The following DYM variants were observed in gnomAD, a reference collection of about 807,000 sequenced individuals.
The protein encoded by DYM is dymeclin, also known as dyggve-Melchior-Clausen syndrome protein.
A neutral mutation model predicts 93.1 loss-of-function variants in DYM; 78 were observed. The ratio of observed to expected loss-of-function variants is 0.84; its 90% CI spans 0.70 to 1.01. The LOEUF is 1.01. Ranked by LOEUF, DYM falls within the 50% of genes least tolerant of loss-of-function variation. DYM has a pLI of 0.00. For missense variants in DYM, 789 were observed against 845.0 expected, an observed-to-expected ratio of 0.93 and a Z score of 0.82; for synonymous variants, 321 against 319.7, an observed-to-expected ratio of 1.00 and a Z score of -0.04.
chr18:49,457,688 C>T (rs2083114060), intron 1 of DYM, among the ~76,000 whole-genome samples: 1 of 152,170 alleles, frequency 6.6e-6, no homozygotes, highest in Non-Finnish European at 1.5e-5. Context: ...CCAAAGATGT[C>T]CACATACTAA....
At position 49,272,294 on chromosome 18, in the gene DYM, T is replaced by C. The variant is rs766543337; in HGVS notation, c.1135A>G (p.Ile379Val). Reference sequence around the variant, plus strand: ...TCAACATGATACAGAATCTCAAGAATTGGTAAAACCTAGAGAATAAAAATT... The same window carrying C: ...TCAACATGATACAGAATCTCAAGAACTGGTAAAACCTAGAGAATAAAAATT... ...RTDMENLVLP[I>V]LEILYHVEER... Residue 379 changes from isoleucine (I) to valine (V), a missense_variant, in exon 11 of 18, where the codon ATT becomes GTT. Ile to Val is a conservative substitution (Grantham distance 29, BLOSUM62 3). This residue lies in a region of DYM where 450 missense variants were observed against 436.2 expected (regional missense o/e 1.03). Transcript: ENST00000675505. 2.1e-5 allele frequency: 32 copies of C among 1,542,240 alleles called. No homozygotes were observed. The highest frequency in any genetic ancestry group is 2.7e-5 in the Non-Finnish European group (30 of 1,115,572).
At chr18:49,339,973 C>T (rs1241929510) in intron 6 of DYM, among the ~76,000 whole-genome samples, 1 of 151,896 alleles carries the variant, frequency 6.6e-6, no homozygotes. Flanking sequence ...GTTTTTGAGA[C>T]AGAGTCTCGC....
chr18:49,260,774 T>C lies in DYM; in HGVS notation c.1252-2281A>G, dbSNP rs184689278. The stretch of plus-strand genomic sequence containing the variant: ...TTTTTGAGGGAAGGCATTATGATTC[T>C]AGAATTCTGCATCTTGAGAAACTAC... On this transcript the variant is annotated intron_variant, in intron 11 of 17. Transcript: ENST00000675505. Among the ~76,000 whole-genome samples the C allele has an allele frequency of 3.4e-3, 518 of 152,022 alleles. 3 individuals are homozygous for C. The highest frequency in any genetic ancestry group is 0.011 in the African/African-American group (457 of 41,448).
chr18:49,045,591 A>T (rs1266159719), intron 17 of DYM, among the ~76,000 whole-genome samples: 1 of 152,236 alleles, frequency 6.6e-6, no homozygotes, highest in East Asian at 1.9e-4. Flanking sequence ...AGCCAAACCC[A>T]GCTCCTGTTC....
At chr18:49,207,261 C>T (rs144807105) in intron 14 of DYM, among the ~76,000 whole-genome samples, 1 of 152,238 alleles carries the variant, frequency 6.6e-6, no homozygotes, top group Non-Finnish European at 1.5e-5. Flanking sequence ...GCATGATATG[C>T]TATACGATGT....
chr18:49,457,882 G>A (rs893743549), intron 1 of DYM, among the ~76,000 whole-genome samples: 6 of 152,190 alleles, frequency 3.9e-5, no homozygotes, highest in African/African-American at 1.4e-4. Context: ...TATGATCAGA[G>A]AGATGCAACA....
chr18:49,428,271 C>G (rs1339624136), intron 2 of DYM, among the ~76,000 whole-genome samples: 2 of 150,970 alleles, frequency 1.3e-5, no homozygotes, highest in Non-Finnish European at 3.0e-5. Context: ...GGTAACAGAG[C>G]AAGACCCCAT....
At chr18:49,228,364 A>G (rs1212386950) in intron 13 of DYM, among the ~76,000 whole-genome samples, 5 of 152,150 alleles carry the variant, frequency 3.3e-5, no homozygotes, top group Non-Finnish European at 7.4e-5. Context: ...AAAGGCCTAT[A>G]AATCACTGGC....
intron 2 of DYM, among the ~76,000 whole-genome samples, chr18:49,398,105 A>G (rs953660935): frequency 2.0e-5 from 3 of 152,194 alleles, no homozygotes; most frequent in Non-Finnish European, 2.9e-5. Flanking sequence ...ATTTTAAAAG[A>G]TATCGTCTTT....
chr18:49,388,825 C>T (rs12457671), intron 3 of DYM, among the ~76,000 whole-genome samples: 13,761 of 148,194 alleles, frequency 0.093, 852 homozygotes, highest in East Asian at 0.31. Context: ...CTTTAAAGTA[C>T]GGAAAATAAA....
At chr18:49,260,198 G>A (rs560781850) in intron 11 of DYM, among the ~76,000 whole-genome samples, 22 of 152,290 alleles carry the variant, frequency 1.4e-4, no homozygotes, top group African/African-American at 5.1e-4. Flanking sequence ...AGACCAGCCT[G>A]GCCCAATGAT....
intron 8 of DYM, among the ~76,000 whole-genome samples, chr18:49,322,103 CTTCAAG>C: frequency 6.6e-6 from 1 of 152,080 alleles, no homozygotes; most frequent in Non-Finnish European, 1.5e-5. Context: ...GAGTTTTAAT[CTTCAAG>C]TTCTACTGTA....
Position 49,037,373 on chromosome 18 carries a change from A to ATG in DYM, c.*6680_*6681dup, listed in dbSNP as rs2070744220. Among the ~76,000 whole-genome samples the ATG allele has an allele frequency of 6.6e-6, 1 of 152,018 alleles. No homozygotes were observed. Among genetic ancestry groups the ATG allele is most frequent in the African/African-American group, 2.4e-5 (1 of 41,392 alleles). On this transcript the variant is annotated 3_prime_UTR_variant, in exon 18 of 18. Transcript: ENST00000675505. ...TTCTAACATAAACATTTAAATATAT[A>ATG]TGTGTGTGTATATATATATATGAAC...
At chr18:49,341,008 T>C (rs2064075939) in intron 6 of DYM, among the ~76,000 whole-genome samples, 1 of 152,256 alleles carries the variant, frequency 6.6e-6, no homozygotes, top group Admixed American at 6.5e-5. Flanking sequence ...ACAGATTCTG[T>C]ATTTGTAAAA....
intron 15 of DYM, among the ~76,000 whole-genome samples, chr18:49,124,605 T>C (rs930832823): frequency 1.3e-5 from 2 of 152,168 alleles, no homozygotes; most frequent in African/African-American, 2.4e-5. Context: ...AGAGTTACAC[T>C]AACCCTCTTA....
intron 17 of DYM, among the ~76,000 whole-genome samples, chr18:49,046,277 C>A (rs1354278435): frequency 7.8e-6 from 1 of 128,362 alleles, no homozygotes; most frequent in African/African-American, 2.7e-5. Flanking sequence ...TACACAGACA[C>A]AGACAACACA....
chr18:49,310,951 G>A (rs920137824), intron 8 of DYM, among the ~76,000 whole-genome samples: 1 of 152,018 alleles, frequency 6.6e-6, no homozygotes, highest in African/African-American at 2.4e-5. Flanking sequence ...ATCCAATATA[G>A]GCAAAATATT....
At chr18:49,386,900 C>A (rs1365393104) in intron 3 of DYM, among the ~76,000 whole-genome samples, 3 of 151,804 alleles carry the variant, frequency 2.0e-5, no homozygotes, top group African/African-American at 7.3e-5. Context: ...CATGTCTCTG[C>A]ATCACGTTTT....
chr18:49,080,621 G>A (rs1172972303), intron 17 of DYM, among the ~76,000 whole-genome samples: 3 of 147,838 alleles, frequency 2.0e-5, no homozygotes, highest in South Asian at 2.2e-4. Flanking sequence ...TGGACGGGGC[G>A]GCTGGCCGGG....
Sources: allele counts gnomAD v4.1 joint callset (sites outside exome capture counted in the v4.1 genomes callset), GRCh38; gene constraint gnomAD v4.1.1; regional missense constraint gnomAD v4.1.1; transcripts MANE v1.5; gene names NCBI Gene and HGNC (gene_info 2026-07-23, HGNC 2026-07-21).